The following HAUS6 variants were observed in gnomAD, a reference collection of about 807,000 sequenced individuals.
The protein encoded by HAUS6 is HAUS augmin-like complex subunit 6.
In HAUS6, 80 loss-of-function variants were observed where a neutral mutation model predicts 106.8. The observed-to-expected ratio is 0.75, with a 90% CI of 0.63 to 0.90. HAUS6 has a LOEUF of 0.90. HAUS6 is among the 40% of genes least tolerant of loss of function. The pLI is 0.00. For missense variants in HAUS6, 1,155 were observed against 1,118.1 expected, an observed-to-expected ratio of 1.03 and a Z score of -0.47; for synonymous variants, 356 against 379.1, an observed-to-expected ratio of 0.94 and a Z score of 0.71.
At chr9:19,093,045 T>G in intron 4 of HAUS6, 126 bp downstream of exon 4, 2 of 682,776 alleles carry the variant, frequency 2.9e-6, no homozygotes, top group Non-Finnish European at 4.9e-6. Flanking sequence ...AACCATTTCC[T>G]TTTTGGGGTA....
chr9:19,102,655 C>A lies in HAUS6; in HGVS notation c.-4G>T. Reference sequence around the variant, plus strand: ...CGGTGACCGAGGCCGAGCTCATCCTCGCGGTAGGCACGGTGGCTGCAAAGA... The same window carrying A: ...CGGTGACCGAGGCCGAGCTCATCCTAGCGGTAGGCACGGTGGCTGCAAAGA... On this transcript the variant is annotated 5_prime_UTR_variant, in exon 1 of 17. Transcript: ENST00000380502. 6.2e-7 allele frequency: 1 copy of A among 1,610,728 alleles called. No homozygotes were observed. The highest frequency in any genetic ancestry group is 1.1e-5 in the South Asian group (1 of 90,832).
chr9:19,081,135 C>G (rs1051530613), intron 8 of HAUS6, among the ~76,000 whole-genome samples: 1 of 151,126 alleles, frequency 6.6e-6, no homozygotes, highest in East Asian at 1.9e-4. Context: ...CATAAAATGA[C>G]GTAAATAATT....
At chr9:19,094,706 G>C (rs939779173) in intron 2 of HAUS6, among the ~76,000 whole-genome samples, 6 of 151,950 alleles carry the variant, frequency 3.9e-5, no homozygotes, top group African/African-American at 1.5e-4. Context: ...CACGAGTATT[G>C]CTTGAACCCA....
chr9:19,057,981 C>A lies in HAUS6; in HGVS notation c.2786G>T (p.Gly929Val). ...CTTACCCTTTAAATTAGGTAGTTCT[C>A]CAAGACTACATGCTATTGTGGTTCT... ...RLRTTIACSLGELPNLKEEDI... is the reference protein window; with the variant it reads ...RLRTTIACSLVELPNLKEEDI... The change falls in exon 16 of 17, where the codon GGA becomes GTA. Residue 929 changes from glycine to valine, a missense_variant. By Grantham distance (109) the Gly-to-Val change is moderately radical (BLOSUM62 -3). Coordinates refer to ENST00000380502, the MANE Select transcript of HAUS6 (RefSeq NM_017645.5). The A allele has an allele frequency of 6.2e-7, 1 of 1,605,006 alleles. No homozygotes were observed. The highest frequency in any genetic ancestry group is 8.5e-7 in the Non-Finnish European group (1 of 1,173,012).
At chr9:19,095,972 C>G (rs899862202) in intron 2 of HAUS6, among the ~76,000 whole-genome samples, 1 of 151,760 alleles carries the variant, frequency 6.6e-6, no homozygotes, top group African/African-American at 2.4e-5. Context: ...ACAACACTGC[C>G]TATAGGAAAA....
chr9:19,080,590 A>G lies in HAUS6; in HGVS notation c.953T>C (p.Met318Thr). The change falls in exon 9 of 17, where the codon ATG becomes ACG. Residue 318 changes from methionine to threonine, a missense_variant. By Grantham distance (81) the Met-to-Thr change is moderately conservative. Around this residue, in one of 3 missense-constraint regions of HAUS6, gnomAD observed 761 missense variants for 690.0 expected, o/e 1.10. Transcript: ENST00000380502. ...ATCAGCCTGACAACGTTCATATTTC[A>G]TCACCTTCAAGACTTCATTTAATAA... Reference protein sequence around the residue: ...IQLLNEVLKVMKYERCQADQA... With the variant: ...IQLLNEVLKVTKYERCQADQA... 6.3e-7 allele frequency: 1 copy of G among 1,594,334 alleles called. No homozygotes were observed. Among genetic ancestry groups the G allele is most frequent in the Non-Finnish European group, 8.6e-7 (1 of 1,162,664 alleles).
intron 11 of HAUS6, among the ~76,000 whole-genome samples, chr9:19,072,009 G>C (rs1298281021): frequency 1.4e-5 from 2 of 146,304 alleles, no homozygotes; most frequent in Non-Finnish European, 3.1e-5. Flanking sequence ...TTTGAGACCA[G>C]CCTGGCCCCG....
intron 7 of HAUS6, among the ~76,000 whole-genome samples, chr9:19,085,115 A>G (rs1416175285): frequency 6.6e-6 from 1 of 152,112 alleles, no homozygotes; most frequent in African/African-American, 2.4e-5. Flanking sequence ...ATGGCAAGGT[A>G]AAGTTGTTCC....
At chr9:19,094,887 A>T (rs377318338) in intron 2 of HAUS6, among the ~76,000 whole-genome samples, 93 of 152,272 alleles carry the variant, frequency 6.1e-4, no homozygotes, top group African/African-American at 2.2e-3. Context: ...ATTTATAAAC[A>T]TCTATAGGGT....
chr9:19,093,050 G>C lies in HAUS6; in HGVS notation c.436+121C>G, dbSNP rs77074339. On this transcript the variant is annotated intron_variant, in intron 4 of 16. Transcript: ENST00000380502. ...GTAGAATATTAACCATTTCCTTTTT[G>C]GGGTACATTAATGTTTTAACTTACC... 55 of 688,876 alleles carry C rather than the reference G, an allele frequency of 8.0e-5. No individual in the cohort carries two copies. In the African/African-American group the frequency reaches 9.7e-4, roughly 12 times the overall value. The allele number at this position is 688,876 out of a possible 1,614,324, so 42.7% of individuals were successfully genotyped here. A position where few individuals can be genotyped will look rare whatever the true frequency, so the allele number is the denominator to read the frequency against.
rs1818019387 is a variant in HAUS6 at position 19,102,740 on chromosome 9, T to C, written c.-89A>G. 2.2e-6 allele frequency: 3 copies of C among 1,370,578 alleles called. No homozygotes were observed. Among genetic ancestry groups the C allele is most frequent in the Non-Finnish European group, 9.9e-7 (1 of 1,009,744 alleles). 84.9% of individuals were successfully genotyped at this position (1,370,578 alleles called of 1,614,324 possible). ...TCAAGATCCCTCCCTACGGTCAGCC[T>C]GAGGTCGCGGTGGTCCTTCCATTGC... is the stretch of plus-strand genomic sequence containing the variant. On this transcript the variant is annotated 5_prime_UTR_variant, in exon 1 of 17. Coordinates refer to ENST00000380502, the MANE Select transcript of HAUS6 (RefSeq NM_017645.5).
chr9:19,057,007 T>G (rs188084060), intron 16 of HAUS6: 2 of 152,288 alleles, frequency 1.3e-5, no homozygotes, highest in East Asian at 1.9e-4. Flanking sequence ...CAAGAGCAAT[T>G]TTTTTAACCT....
Position 19,087,073 on chromosome 9 carries a change from G to A in HAUS6, c.650+18C>T. The A allele has an allele frequency of 8.0e-7, 1 of 1,242,392 alleles. No homozygotes were observed. Among genetic ancestry groups the A allele is most frequent in the Non-Finnish European group, 1.2e-6 (1 of 841,510 alleles). 77.0% of individuals were successfully genotyped at this position (1,242,392 alleles called of 1,614,324 possible). A position where few individuals can be genotyped will look rare whatever the true frequency, so the allele number is the denominator to read the frequency against. ...AAACTAGTATCTAAGGCAACTTCTA[G>A]CTCTAAAAGTCACTTACTTCTTTAT... On this transcript the variant is annotated intron_variant, in intron 6 of 16. Transcript: ENST00000380502.
At chr9:19,080,022 A>C (rs1190523003) in intron 9 of HAUS6, among the ~76,000 whole-genome samples, 1 of 151,584 alleles carries the variant, frequency 6.6e-6, no homozygotes, top group Admixed American at 6.6e-5. Context: ...TAAAAATACA[A>C]AATTAGCCAG....
At position 19,063,504 on chromosome 9, in the gene HAUS6, T is replaced by A. The variant is rs969066880; in HGVS notation, c.1443+10A>T. ...GTCCAGAATTAATTGAGACTTATTT[T>A]AAAATATACCTTTTCAAGTACTGTA... On this transcript the variant is annotated intron_variant, in intron 13 of 16. Coordinates refer to ENST00000380502, the MANE Select transcript of HAUS6 (RefSeq NM_017645.5). The A allele has an allele frequency of 1.4e-6, 2 of 1,435,018 alleles. No homozygotes were observed. The allele number at this position is 1,435,018 out of a possible 1,614,324, so 88.9% of individuals were successfully genotyped here.
chr9:19,093,052 G>A, intron 4 of HAUS6, 119 bp downstream of exon 4: 2 of 698,722 alleles, frequency 2.9e-6, no homozygotes, highest in Non-Finnish European at 4.7e-6. Context: ...TCCTTTTTGG[G>A]GTACATTAAT....
rs750510194 is a variant in HAUS6, at chr9:19,094,331, T to C, written c.289A>G (p.Ile97Val). The stretch of plus-strand genomic sequence containing the variant: ...AGAATACTTACAGAAATCCTTTTTA[T>C]CCATTCACAGCAATGTTTTCGGAAT... ...TEFRKHCCEW[I>V]KRISGECGSS... The change falls in exon 3 of 17, where the codon ATA becomes GTA. Residue 97 changes from isoleucine (I) to valine (V), a missense_variant. By Grantham distance (29) the Ile-to-Val change is conservative. Coordinates refer to ENST00000380502, the MANE Select transcript of HAUS6 (RefSeq NM_017645.5). The C allele has an allele frequency of 2.5e-6, 4 of 1,588,978 alleles. No individual in the cohort carries two copies. Among genetic ancestry groups the C allele is most frequent in the Non-Finnish European group, 2.6e-6 (3 of 1,160,596 alleles).
At position 19,102,772 on chromosome 9, in the gene HAUS6, C is replaced by G; in HGVS notation, c.-121G>C. 1 of 905,052 alleles carries G rather than the reference C, an allele frequency of 1.1e-6. No individual in the cohort carries two copies. The highest frequency in any genetic ancestry group is 1.7e-6 in the Non-Finnish European group (1 of 605,198). The allele number at this position is 905,052 out of a possible 1,614,324, so 56.1% of individuals were successfully genotyped here. A position where few individuals can be genotyped will look rare whatever the true frequency, so the allele number is the denominator to read the frequency against. On this transcript the variant is annotated 5_prime_UTR_variant, in exon 1 of 17. Coordinates refer to ENST00000380502, the MANE Select transcript of HAUS6 (RefSeq NM_017645.5). ...GCGGTGGTCCTTCCATTGCCAACGC[C>G]TGCTCCTTTCACGCCCAGAGCGATT...
chr9:19,057,605 A>G (rs911286479), intron 16 of HAUS6: 1 of 258,550 alleles, frequency 3.9e-6, no homozygotes, highest in African/African-American at 2.2e-5. Context: ...CAGATATTAC[A>G]CCATTATAGT....
Sources: allele counts gnomAD v4.1 joint callset (sites outside exome capture counted in the v4.1 genomes callset), GRCh38; gene constraint gnomAD v4.1.1; regional missense constraint gnomAD v4.1.1; transcripts MANE v1.5; gene names NCBI Gene and HGNC (gene_info 2026-07-23, HGNC 2026-07-21).